DSCAML1: variants seen among roughly 807,000 people sequenced by gnomAD.
DSCAML1 encodes cell adhesion molecule DSCAML1.
A neutral mutation model predicts 200.5 loss-of-function variants in DSCAML1; 38 were observed. That is an observed-to-expected ratio of 0.19 (90% confidence interval 0.15 to 0.25). The LOEUF (loss-of-function observed/expected upper bound fraction) is 0.25. Ranked by LOEUF, DSCAML1 falls within the 10% of genes least tolerant of loss-of-function variation. The pLI is 1.00. For synonymous variants in DSCAML1, 1,215 were observed against 1,165.0 expected, an observed-to-expected ratio of 1.04 and a Z score of -0.87; for missense variants, 2,223 against 2,858.8, an observed-to-expected ratio of 0.78 and a Z score of 5.07.
chr11:117,538,264 A>G (rs1250161741), intron 3 of DSCAML1, among the ~76,000 whole-genome samples: 1 of 152,212 alleles, frequency 6.6e-6, no homozygotes, highest in Non-Finnish European at 1.5e-5. Context: ...CCACTATACT[A>G]GCGCAAGCCC....
At chr11:117,675,471 T>A (rs1445450884) in intron 3 of DSCAML1, among the ~76,000 whole-genome samples, 2 of 50,650 alleles carry the variant, frequency 3.9e-5, no homozygotes, top group Non-Finnish European at 3.1e-5. Flanking sequence ...CTGATTGAAA[T>A]TTTTTTTTTT....
chr11:117,524,759 G>A (rs373141970), intron 5 of DSCAML1, 46 bp downstream of exon 5: 73 of 1,536,232 alleles, frequency 4.8e-5, no homozygotes, highest in South Asian at 1.7e-4. Context: ...CCCCTGAGGC[G>A]CCCTCAGAGG....
At chr11:117,510,564 C>T (rs766808605) in intron 8 of DSCAML1, among the ~76,000 whole-genome samples, 5 of 152,178 alleles carry the variant, frequency 3.3e-5, no homozygotes, top group Admixed American at 6.5e-5. Flanking sequence ...TTGCAAACCC[C>T]GTCTCCTTGG....
chr11:117,437,247 C>T lies in DSCAML1; in HGVS notation c.4595G>A (p.Ser1532Asn). ...TWAWQGLRAN[S>N]SGEVFLTELR... Reference sequence around the variant, plus strand: ...TTCCGTCAGAAACACCTCCCCGGAGCTGTTGGCCCGGAGGCCCTGCCAGGC... The same window carrying T: ...TTCCGTCAGAAACACCTCCCCGGAGTTGTTGGCCCGGAGGCCCTGCCAGGC... The change falls in exon 26 of 33, where the codon AGC becomes AAC. Residue 1532 changes from serine to asparagine, a missense_variant. Coordinates refer to ENST00000651296, the MANE Select transcript of DSCAML1 (RefSeq NM_020693.4). The surrounding 1 kb of genome is among the most constrained non-coding windows in gnomAD (Gnocchi z 5.3). The T allele has an allele frequency of 6.2e-7, 1 of 1,614,246 alleles. No homozygotes were observed. Among genetic ancestry groups the T allele is most frequent in the Admixed American group, 1.7e-5 (1 of 60,034 alleles).
intron 3 of DSCAML1, among the ~76,000 whole-genome samples, chr11:117,608,333 C>T (rs140411939): frequency 3.2e-4 from 48 of 152,110 alleles, no homozygotes; most frequent in African/African-American, 9.9e-4. Flanking sequence ...AAATGAAGCA[C>T]GCTTATTAAA....
chr11:117,625,083 A>C lies in DSCAML1; in HGVS notation c.512-92561T>G, dbSNP rs1301519423. On this transcript the variant is annotated intron_variant, in intron 3 of 32. Transcript: ENST00000651296. ...ATTCCAACGTGTGGTCAGGTCTGGG[A>C]ATCACTGGTCTGGGACTCCTACAGA... Among the ~76,000 whole-genome samples the C allele has an allele frequency of 2.0e-5, 3 of 152,166 alleles. No homozygotes were observed. In the East Asian group the frequency reaches 5.8e-4, roughly 29 times the overall value.
At chr11:117,697,535 A>T (rs1044824885) in intron 3 of DSCAML1, among the ~76,000 whole-genome samples, 3 of 152,118 alleles carry the variant, frequency 2.0e-5, no homozygotes, top group Non-Finnish European at 4.4e-5. Context: ...ATCGTTATCC[A>T]TTTCCAGAAC....
At chr11:117,805,288 G>A (rs1412319272) in intron 1 of DSCAML1, among the ~76,000 whole-genome samples, 1 of 152,090 alleles carries the variant, frequency 6.6e-6, no homozygotes, top group Non-Finnish European at 1.5e-5. Context: ...GCCCCAGTGA[G>A]GGTGGCAGAG....
rs1032887291 is a variant in DSCAML1 at position 117,504,104 on chromosome 11, G to A, written c.2183-83C>T. On this transcript the variant is annotated intron_variant, in intron 10 of 32. Coordinates refer to ENST00000651296, the MANE Select transcript of DSCAML1 (RefSeq NM_020693.4). This position sits in a 1 kb window ranked among gnomAD's most constrained non-coding sequence, Gnocchi z 5.0. Reference sequence around the variant, plus strand: ...GCCCCAGGAGTGGCCCTGACACCTCGCTCTTGCAGATCTAGGGCCATTTTG... The same window carrying A: ...GCCCCAGGAGTGGCCCTGACACCTCACTCTTGCAGATCTAGGGCCATTTTG... The A allele has an allele frequency of 9.4e-6, 14 of 1,491,134 alleles. No individual in the cohort carries two copies. The highest frequency in any genetic ancestry group is 2.3e-5 in the East Asian group (1 of 44,030). The allele number at this position is 1,491,134 out of a possible 1,614,324, so 92.4% of individuals were successfully genotyped here.
chr11:117,466,727 G>T (rs958604790), intron 16 of DSCAML1, among the ~76,000 whole-genome samples: 9 of 152,174 alleles, frequency 5.9e-5, no homozygotes, highest in African/African-American at 2.2e-4. Context: ...TGGTTCATGG[G>T]TACAGAATTT....
intron 3 of DSCAML1, among the ~76,000 whole-genome samples, chr11:117,716,387 T>C (rs1416732831): frequency 6.6e-6 from 1 of 152,180 alleles, no homozygotes; most frequent in Non-Finnish European, 1.5e-5. Flanking sequence ...CAGGAGAGAT[T>C]AAAGGCAGCT....
intron 3 of DSCAML1, among the ~76,000 whole-genome samples, chr11:117,776,408 G>A (rs1445922279): frequency 2.6e-5 from 4 of 151,998 alleles, no homozygotes; most frequent in Admixed American, 6.6e-5. Flanking sequence ...CCACAAACCC[G>A]CCTCTCATTC....
rs1238988579 is a variant in DSCAML1, at chr11:117,439,943, G to A, written c.3863-7C>T. ...GAGATGATCTTTGCTGGGGCTACAG[G>A]GAGGAGAGGATGAGGGCCACTCCAC... is the stretch of plus-strand genomic sequence containing the variant. On this transcript the variant is annotated splice_region_variant and splice_polypyrimidine_tract_variant and intron_variant, in intron 21 of 32. Coordinates refer to ENST00000651296, the MANE Select transcript of DSCAML1 (RefSeq NM_020693.4). 1 of 1,612,704 alleles carries A rather than the reference G, an allele frequency of 6.2e-7. No individual in the cohort carries two copies. Among genetic ancestry groups the A allele is most frequent in the South Asian group, 1.1e-5 (1 of 91,048 alleles).
At chr11:117,746,994 G>A (rs1007138979) in intron 3 of DSCAML1, among the ~76,000 whole-genome samples, 6 of 152,112 alleles carry the variant, frequency 3.9e-5, no homozygotes, top group Non-Finnish European at 7.4e-5. Context: ...GCGGCTCCCC[G>A]AGAGCCCTCC....
At chr11:117,630,188 G>A (rs1025939016) in intron 3 of DSCAML1, among the ~76,000 whole-genome samples, 3 of 150,212 alleles carry the variant, frequency 2.0e-5, no homozygotes, top group South Asian at 4.2e-4. Flanking sequence ...TCCCATTCCA[G>A]TGCCCCTTCT....
chr11:117,483,711 T>G (rs1415270041), intron 11 of DSCAML1, among the ~76,000 whole-genome samples: 4 of 152,150 alleles, frequency 2.6e-5, no homozygotes, highest in Non-Finnish European at 5.9e-5. Flanking sequence ...AAGGCAGACA[T>G]AGGCGGGGCA....
intron 1 of DSCAML1, among the ~76,000 whole-genome samples, chr11:117,794,271 A>G (rs2055531995): frequency 6.6e-6 from 1 of 152,202 alleles, no homozygotes; most frequent in East Asian, 1.9e-4. Context: ...TGCAGGCAAC[A>G]CAGATGCTGG....
intron 17 of DSCAML1, 56 bp downstream of exon 17, chr11:117,464,877 TCTGGCAGCC>T: frequency 6.3e-7 from 1 of 1,579,286 alleles, no homozygotes; most frequent in East Asian, 2.3e-5. Context: ...ACAAACCCTC[TCTGGCAGCC>T]CTGGCTCTGC....
chr11:117,815,974 C>G (rs1231281019), intron 1 of DSCAML1, among the ~76,000 whole-genome samples: 1 of 152,052 alleles, frequency 6.6e-6, no homozygotes, highest in Non-Finnish European at 1.5e-5. Flanking sequence ...TCGTCCCAGT[C>G]CCTTCTAGGC....
Sources: gnomAD v4.1 joint callset for allele counts (sites outside exome capture counted in the v4.1 genomes callset) on GRCh38, gnomAD v4.1.1 for gene constraint, Gnocchi (gnomAD v3.1) non-coding constraint, MANE v1.5 for transcripts, NCBI Gene and HGNC (gene_info 2026-07-23, HGNC 2026-07-21) for gene names.